Variants in RAPGEFL1 observed in about 807,000 individuals in gnomAD.
RAPGEFL1 encodes the protein Rap guanine nucleotide exchange factor like 1, also known as rap guanine nucleotide exchange factor-like 1.
Under a neutral mutation model 64.4 loss-of-function variants are expected in RAPGEFL1, and 31 were observed. The ratio of observed to expected loss-of-function variants is 0.48; its 90% CI spans 0.36 to 0.65. RAPGEFL1 has a LOEUF of 0.65. Ranked by LOEUF, RAPGEFL1 falls within the 30% of genes least tolerant of loss-of-function variation. The pLI, the probability that RAPGEFL1 is intolerant of heterozygous loss-of-function variation, is 0.00. For missense variants in RAPGEFL1, 682 were observed against 677.4 expected (o/e 1.01, Z -0.08); for synonymous variants, 331 against 274.1 (o/e 1.21, Z -2.05).
intron 7 of RAPGEFL1, 49 bp downstream of exon 7, chr17:40,190,580 G>C (rs1266750296): frequency 6.2e-7 from 1 of 1,614,070 alleles, no homozygotes. Context: ...GAGGAGGGCT[G>C]TGAGCAATCC....
Position 40,184,601 on chromosome 17 carries a change from G to A in RAPGEFL1, c.756G>A (p.Met252Ile), listed in dbSNP as rs758737999. The A allele has an allele frequency of 6.4e-7, 1 of 1,567,404 alleles. No individual in the cohort carries two copies. The highest frequency in any genetic ancestry group is 1.1e-5 in the South Asian group (1 of 87,874). ...TCCAGGATCTATACCTGCTAATTAT[G>A]AAGGACGAGTCCCTTTACCAGGGCC... Reference protein sequence around the residue: ...HIIKDLYLLIMKDESLYQGLR... With the variant: ...HIIKDLYLLIIKDESLYQGLR... The change falls in exon 4 of 15, where the codon ATG (methionine) becomes ATA (isoleucine). Residue 252 changes from methionine to isoleucine, a missense_variant. By Grantham distance (10) the Met-to-Ile change is conservative. Transcript: ENST00000620260.
intron 4 of RAPGEFL1, among the ~76,000 whole-genome samples, chr17:40,186,396 G>A (rs1451055199): frequency 4.7e-5 from 7 of 147,460 alleles, no homozygotes; most frequent in African/African-American, 1.8e-4. Flanking sequence ...GTGAAACCCC[G>A]TCTCTACTAA....
Position 40,190,862 on chromosome 17 carries a change from T to G in RAPGEFL1, c.1335+100T>G, listed in dbSNP as rs959785611. 8 of 1,535,810 alleles carry G rather than the reference T, an allele frequency of 5.2e-6. No individual in the cohort carries two copies. The African/African-American group carries it at 9.6e-5, about 18-fold the overall frequency. Reference sequence around the variant, plus strand: ...CAACGTCCTGGTTCCAAGGCTCACTTGCAGCAAGCCCTTGGGCAACGCATG... The same window carrying G: ...CAACGTCCTGGTTCCAAGGCTCACTGGCAGCAAGCCCTTGGGCAACGCATG... On this transcript the variant is annotated intron_variant, in intron 8 of 14. Transcript: ENST00000620260.
At chr17:40,189,002 C>G (rs902682401) in intron 5 of RAPGEFL1, 24 bp downstream of exon 5, 2 of 1,601,342 alleles carry the variant, frequency 1.2e-6, no homozygotes, top group African/African-American at 2.7e-5. Context: ...TTAGGAGGGG[C>G]AGGGTGTCCT....
rs754810860 is a variant in RAPGEFL1 at position 40,191,464 on chromosome 17, T to C, written c.1484T>C (p.Leu495Pro). 2.5e-6 allele frequency: 4 copies of C among 1,607,194 alleles called. No individual in the cohort carries two copies. Among genetic ancestry groups the C allele is most frequent in the Non-Finnish European group, 2.5e-6 (3 of 1,178,534 alleles). ...LCEAPGKRAQLLKKFIKIAAL... is the reference protein window; with the variant it reads ...LCEAPGKRAQPLKKFIKIAAL... ...GAGGCCCCGGGCAAGCGCGCGCAGC[T>C]GCTCAAGAAGTTCATCAAGATCGCG... The change falls in exon 9 of 15, where the codon CTG becomes CCG. Residue 495 changes from leucine to proline, a missense_variant. Physicochemically the swap from Leu to Pro is moderately conservative, Grantham distance 98 (BLOSUM62 -3). Coordinates refer to ENST00000620260, the MANE Select transcript of RAPGEFL1 (RefSeq NM_016339.6). The surrounding 1 kb of genome is among the most constrained non-coding windows in gnomAD (Gnocchi z 5.1).
At chr17:40,186,042 A>G (rs1376732196) in intron 4 of RAPGEFL1, among the ~76,000 whole-genome samples, 1 of 149,514 alleles carries the variant, frequency 6.7e-6, no homozygotes, top group Non-Finnish European at 1.5e-5. Context: ...CAGGCAGATC[A>G]TGAGAGGCAG....
At chr17:40,179,075 T>C (rs1989814997) in intron 1 of RAPGEFL1, among the ~76,000 whole-genome samples, 1 of 151,570 alleles carries the variant, frequency 6.6e-6, no homozygotes, top group Non-Finnish European at 1.5e-5. Flanking sequence ...GCTTTTTTTT[T>C]TTTTTCTTTT....
intron 5 of RAPGEFL1, 88 bp downstream of exon 5, chr17:40,189,066 C>T (rs1235106286): frequency 1.4e-6 from 2 of 1,476,128 alleles, no homozygotes; most frequent in Non-Finnish European, 1.9e-6. Flanking sequence ...GTGGCATCTC[C>T]CTGGGTGGTA....
chr17:40,179,646 G>A (rs535131484), intron 1 of RAPGEFL1, among the ~76,000 whole-genome samples: 1 of 152,294 alleles, frequency 6.6e-6, no homozygotes, highest in Admixed American at 6.5e-5. Flanking sequence ...CCCCAAATCT[G>A]GTTAGTTCTG....
chr17:40,187,554 C>T (rs1368655199), intron 4 of RAPGEFL1, among the ~76,000 whole-genome samples: 1 of 152,054 alleles, frequency 6.6e-6, no homozygotes, highest in Non-Finnish European at 1.5e-5. Context: ...AACTCCTGCG[C>T]TCTCGAACTT....
intron 6 of RAPGEFL1, among the ~76,000 whole-genome samples, chr17:40,189,661 G>A (rs1376881751): frequency 2.0e-5 from 3 of 152,104 alleles, no homozygotes; most frequent in African/African-American, 7.2e-5. Flanking sequence ...TAGGCACTGC[G>A]CCCTATCCTG....
chr17:40,178,879 T>C (rs1989807923), intron 1 of RAPGEFL1, among the ~76,000 whole-genome samples: 1 of 152,144 alleles, frequency 6.6e-6, no homozygotes, highest in East Asian at 1.9e-4. Flanking sequence ...CAAGCTGCCT[T>C]TTAGGCATCA....
intron 1 of RAPGEFL1, among the ~76,000 whole-genome samples, chr17:40,180,376 T>C (rs911289588): frequency 2.6e-5 from 4 of 152,240 alleles, no homozygotes; most frequent in East Asian, 1.9e-4. Context: ...AGTAACTAGT[T>C]TGGGAAATTC....
rs1489495903 is a variant in RAPGEFL1, at chr17:40,194,908, A to C, written c.*1120A>C. On this transcript the variant is annotated 3_prime_UTR_variant, in exon 15 of 15. Transcript: ENST00000620260. The stretch of plus-strand genomic sequence containing the variant: ...GGATGGCAGAGACTGTAAAGGCGCC[A>C]CTGGACTCTGGCAAGGCCTTTATTA... 2 of 152,660 alleles carry C rather than the reference A, an allele frequency of 1.3e-5. No individual in the cohort carries two copies. Among genetic ancestry groups the C allele is most frequent in the Non-Finnish European group, 2.9e-5 (2 of 68,130 alleles). The allele number at this position is 152,660 out of a possible 1,614,324, so 9.5% of individuals were successfully genotyped here.
intron 1 of RAPGEFL1, among the ~76,000 whole-genome samples, chr17:40,180,155 G>A (rs1056615118): frequency 2.0e-5 from 3 of 152,162 alleles, no homozygotes; most frequent in Non-Finnish European, 4.4e-5. Context: ...CAGGCCTCTC[G>A]TTTCCTCACC....
At position 40,195,004 on chromosome 17, in the gene RAPGEFL1, G is replaced by T. The variant is rs1165138343; in HGVS notation, c.*1216G>T. 2.0e-5 allele frequency: 3 copies of T among 152,644 alleles called. No homozygotes were observed. Among genetic ancestry groups the T allele is most frequent in the African/African-American group, 7.2e-5 (3 of 41,430 alleles). 9.5% of individuals were successfully genotyped at this position (152,644 alleles called of 1,614,324 possible). A position where few individuals can be genotyped will look rare whatever the true frequency, so the allele number is the denominator to read the frequency against. ...GGTGCAGGGGCTCCTGGCAGCTACT[G>T]GGTGAGGTTTCCTGGCACAGACTCA... On this transcript the variant is annotated 3_prime_UTR_variant, in exon 15 of 15. Coordinates refer to ENST00000620260, the MANE Select transcript of RAPGEFL1 (RefSeq NM_016339.6).
intron 2 of RAPGEFL1, among the ~76,000 whole-genome samples, chr17:40,183,312 G>T (rs1274280265): frequency 6.6e-6 from 1 of 151,956 alleles, no homozygotes; most frequent in Non-Finnish European, 1.5e-5. Context: ...TCTGGGCAGG[G>T]TATCCTCAAG....
At position 40,179,641 on chromosome 17, in the gene RAPGEFL1, A is replaced by T. The variant is rs570613531; in HGVS notation, c.520+1260A>T. The stretch of plus-strand genomic sequence containing the variant: ...GGCCTTTGAGGAAACCAAGGCCCCA[A>T]ATCTGGTTAGTTCTGAGGTAGAAGA... On this transcript the variant is annotated intron_variant, in intron 1 of 14. Transcript: ENST00000620260. 7.0e-4 allele frequency among the ~76,000 whole-genome samples: 107 copies of T among 152,310 alleles called. 1 individual carries two copies. The highest frequency in any genetic ancestry group is 2.1e-3 in the African/African-American group (87 of 41,562).
intron 4 of RAPGEFL1, 29 bp downstream of exon 4, chr17:40,184,707 C>T: frequency 7.1e-7 from 1 of 1,405,670 alleles, no homozygotes; most frequent in Non-Finnish European, 9.8e-7. Context: ...GGGGCGGGAA[C>T]AGGAAAGTGG....
Sources: gnomAD v4.1 joint callset for allele counts (sites outside exome capture counted in the v4.1 genomes callset) on GRCh38, gnomAD v4.1.1 for gene constraint, Gnocchi (gnomAD v3.1) non-coding constraint, MANE v1.5 for transcripts, NCBI Gene and HGNC (gene_info 2026-07-23, HGNC 2026-07-21) for gene names.